The following SLC25A48 variants were observed in gnomAD, a reference collection of about 807,000 sequenced individuals.
The protein encoded by SLC25A48 is solute carrier family 25 member 48, also known as CTC-321K16.1.
A neutral mutation model predicts 32.2 loss-of-function variants in SLC25A48; 29 were observed. That is an observed-to-expected ratio of 0.90 (90% confidence interval 0.67 to 1.23). The LOEUF is 1.23. Ranked by LOEUF, SLC25A48 falls within the 50% of genes most tolerant of loss-of-function variation. The pLI, the probability that SLC25A48 is intolerant of heterozygous loss-of-function variation, is 0.00. For synonymous variants in SLC25A48, 164 were observed against 172.3 expected (o/e 0.95, Z 0.38); for missense variants, 399 against 422.7 (o/e 0.94, Z 0.49).
chr5:135,827,071 G>C (rs1758078569), intron 4 of SLC25A48: 1 of 152,230 alleles, frequency 6.6e-6, no homozygotes, highest in Admixed American at 6.5e-5. Context: ...GGCTCACCTG[G>C]TGAGTGGCTG....
Position 135,748,025 on chromosome 5 carries a change from G to T in SLC25A48, c.-520-64498G>T, listed in dbSNP as rs547178874. ...ACTGAGTTAGATTCCAGACTGACCT[G>T]CCCCCTGCCATCTGGAGCCCAATCT... On this transcript the variant is annotated intron_variant, in intron 3 of 10. Transcript: ENST00000646290. Among the ~76,000 whole-genome samples the T allele has an allele frequency of 2.0e-5, 3 of 151,398 alleles. No individual in the cohort carries two copies. In the East Asian group the frequency reaches 5.8e-4, roughly 29 times the overall value.
chr5:135,755,614 A>G (rs1465892599), intron 3 of SLC25A48, among the ~76,000 whole-genome samples: 1 of 152,030 alleles, frequency 6.6e-6, no homozygotes, highest in Non-Finnish European at 1.5e-5. Flanking sequence ...TCAACGCACT[A>G]TGGTATTAAT....
At chr5:135,885,690 G>T (rs1449952373) in intron 7 of SLC25A48, among the ~76,000 whole-genome samples, 1 of 152,192 alleles carries the variant, frequency 6.6e-6, no homozygotes, top group East Asian at 1.9e-4. Flanking sequence ...AATGAACAGG[G>T]TTTAGAATAA....
intron 3 of SLC25A48, among the ~76,000 whole-genome samples, chr5:135,756,962 AAC>A (rs1755927900): frequency 1.3e-5 from 2 of 150,980 alleles, no homozygotes. Flanking sequence ...ATCTAGTGTT[AAC>A]ACACTATGAT....
intron 3 of SLC25A48, among the ~76,000 whole-genome samples, chr5:135,723,384 A>T (rs58080066): frequency 0.28 from 40,935 of 147,860 alleles, 5,781 homozygotes; most frequent in East Asian, 0.47. Context: ...TCTCTCTCAC[A>T]CACACACACA....
intron 3 of SLC25A48, among the ~76,000 whole-genome samples, chr5:135,776,474 G>T (rs1756565290): frequency 6.6e-6 from 1 of 151,814 alleles, no homozygotes; most frequent in Non-Finnish European, 1.5e-5. Flanking sequence ...GAGGTGTACA[G>T]CCCTTTGTGA....
At chr5:135,655,735 A>G (rs1753230378) in intron 3 of SLC25A48, among the ~76,000 whole-genome samples, 1 of 152,244 alleles carries the variant, frequency 6.6e-6, no homozygotes, top group Non-Finnish European at 1.5e-5. Flanking sequence ...TTTTGGCCTG[A>G]GCACTACAAG....
chr5:135,842,219 G>A (rs1759061165), intron 1 of SLC25A48, among the ~76,000 whole-genome samples, 197 bp from the exon 2 acceptor site: 1 of 152,140 alleles, frequency 6.6e-6, no homozygotes, highest in Admixed American at 6.5e-5. Flanking sequence ...CTTTTATGGA[G>A]TGATTGCTTG....
In SLC25A48 at chr5:135,880,032, T is replaced by C. The variant is rs907681467; in HGVS notation, c.878T>C (p.Leu293Pro). 2 of 1,536,298 alleles carry C rather than the reference T, an allele frequency of 1.3e-6. No homozygotes were observed. The highest frequency in any genetic ancestry group is 1.7e-6 in the Non-Finnish European group (2 of 1,146,934). ...RGFPMSAAMF[L>P]GYELSLQAIR... ...TTCCCCATGAGTGCGGCCATGTTCC[T>C]TGGGTACGAGCTGTCGCTGCAGGCT... Residue 293 changes from leucine (L) to proline (P), a missense_variant, in exon 7 of 8, where the codon CTT becomes CCT. Leu to Pro is a moderately conservative substitution (Grantham distance 98). Transcript: ENST00000681962.
At chr5:135,738,437 A>T (rs1248981363) in intron 3 of SLC25A48, among the ~76,000 whole-genome samples, 2 of 152,174 alleles carry the variant, frequency 1.3e-5, no homozygotes, top group African/African-American at 4.8e-5. Context: ...TTTGCAGCTG[A>T]TGGGAAGAGG....
At chr5:135,646,627 A>G (rs1752963767) in intron 3 of SLC25A48, among the ~76,000 whole-genome samples, 1 of 143,338 alleles carries the variant, frequency 7.0e-6, no homozygotes, top group Admixed American at 7.4e-5. Flanking sequence ...CCATTTATGT[A>G]TATATATACG....
chr5:135,627,518 G>A (rs533779947), intron 1 of SLC25A48, among the ~76,000 whole-genome samples: 1 of 152,244 alleles, frequency 6.6e-6, no homozygotes, highest in African/African-American at 2.4e-5. Context: ...CTTTCCCCGT[G>A]TGGTCTTTCT....
intron 1 of SLC25A48, among the ~76,000 whole-genome samples, chr5:135,839,395 T>C (rs1758808622): frequency 6.6e-6 from 1 of 152,206 alleles, no homozygotes; most frequent in Non-Finnish European, 1.5e-5. Context: ...GCATGGAGCC[T>C]GTAGCCCCTT....
At chr5:135,775,415 C>A (rs1189507123) in intron 3 of SLC25A48, among the ~76,000 whole-genome samples, 1 of 151,376 alleles carries the variant, frequency 6.6e-6, no homozygotes, top group Non-Finnish European at 1.5e-5. Context: ...TATATTGTTT[C>A]TAATGTTCAG....
chr5:135,673,246 A>G (rs1414205131), intron 3 of SLC25A48, among the ~76,000 whole-genome samples: 1 of 152,214 alleles, frequency 6.6e-6, no homozygotes, highest in Admixed American at 6.5e-5. Context: ...GTAAATGCCT[A>G]GGAGTAGAAT....
intron 3 of SLC25A48, among the ~76,000 whole-genome samples, chr5:135,656,197 C>T (rs1753242191): frequency 6.6e-6 from 1 of 152,128 alleles, no homozygotes; most frequent in South Asian, 2.1e-4. Flanking sequence ...TGATTTTTGT[C>T]CCTCTTGGGA....
chr5:135,620,304 A>G (rs977445233), intron 1 of SLC25A48, among the ~76,000 whole-genome samples: 1 of 152,046 alleles, frequency 6.6e-6, no homozygotes, highest in East Asian at 1.9e-4. Flanking sequence ...CCTGGATGGT[A>G]TGCTTGGGTG....
intron 4 of SLC25A48, among the ~76,000 whole-genome samples, chr5:135,862,870 C>T (rs1345300990): frequency 6.6e-6 from 1 of 152,044 alleles, no homozygotes; most frequent in Non-Finnish European, 1.5e-5. Flanking sequence ...TTGGGAAGCG[C>T]TTGGATTTCT....
chr5:135,614,034 A>G (rs1255519117), intron 1 of SLC25A48, among the ~76,000 whole-genome samples: 5 of 152,142 alleles, frequency 3.3e-5, no homozygotes, highest in African/African-American at 1.2e-4. Flanking sequence ...CTTTCGGCAG[A>G]ATGGTCATAT....
Sources: allele counts gnomAD v4.1 joint callset (sites outside exome capture counted in the v4.1 genomes callset), GRCh38; gene constraint gnomAD v4.1.1; transcripts MANE v1.5; gene names NCBI Gene and HGNC (gene_info 2026-07-23, HGNC 2026-07-21).